Variants in BRD10 observed in about 807,000 individuals in gnomAD.
The protein encoded by BRD10 is uncharacterized bromodomain-containing protein 10.
the BRD10 span, among the ~76,000 whole-genome samples, chr9:5,960,139 T>C: frequency 1.3e-5 from 2 of 152,216 alleles, no homozygotes; most frequent in Non-Finnish European, 2.9e-5. Context: ...TATCTGTACT[T>C]AACTATTATT....
the BRD10 span, among the ~76,000 whole-genome samples, chr9:5,992,736 A>T: frequency 3.3e-5 from 5 of 151,544 alleles, no homozygotes; most frequent in South Asian, 1.0e-3. Context: ...TTTTAACACA[A>T]AGCATGTAAA....
chr9:6,007,492 G>C, the BRD10 span: 1 of 1,612,282 alleles, frequency 6.2e-7, no homozygotes, highest in Non-Finnish European at 8.5e-7. Context: ...CAGAAAGGGG[G>C]CGGTGAGGCC....
At chr9:5,936,887 T>C in the BRD10 span, among the ~76,000 whole-genome samples, 2 of 152,216 alleles carry the variant, frequency 1.3e-5, no homozygotes, top group Admixed American at 6.5e-5. Context: ...TGAAAAATGT[T>C]TGACATTTAA....
chr9:5,908,046 G>A, the BRD10 span, among the ~76,000 whole-genome samples: 1 of 152,230 alleles, frequency 6.6e-6, no homozygotes, highest in Admixed American at 6.5e-5. Flanking sequence ...CATAATGGTT[G>A]AGAGCACTGA....
chr9:5,924,694 G>C, the BRD10 span: 1 of 1,550,448 alleles, frequency 6.4e-7, no homozygotes, highest in Non-Finnish European at 8.7e-7. Context: ...ATATCCAGAG[G>C]TTCTGTTGAG....
At chr9:5,953,462 C>A in the BRD10 span, among the ~76,000 whole-genome samples, 1 of 152,016 alleles carries the variant, frequency 6.6e-6, no homozygotes, top group South Asian at 2.1e-4. Context: ...TTTCTTTCCA[C>A]AGAAATGTTT....
the BRD10 span, among the ~76,000 whole-genome samples, chr9:5,895,581 G>A: frequency 2.6e-5 from 4 of 152,292 alleles, no homozygotes; most frequent in South Asian, 2.1e-4. Context: ...TGGGTATTAT[G>A]TATCTCTTTG....
the BRD10 span, among the ~76,000 whole-genome samples, chr9:5,993,201 G>T: frequency 8.3e-4 from 125 of 151,348 alleles, 1 homozygote; most frequent in Non-Finnish European, 1.3e-3. Context: ...TGTAGTCCCA[G>T]CTACTCAGGA....
chr9:6,002,062 T>C, the BRD10 span, among the ~76,000 whole-genome samples: 6 of 152,182 alleles, frequency 3.9e-5, no homozygotes, highest in South Asian at 8.3e-4. Flanking sequence ...GTTGTGAAAA[T>C]AGTACCATGA....
At chr9:5,934,358 CTT>C in the BRD10 span, among the ~76,000 whole-genome samples, 24 of 129,978 alleles carry the variant, frequency 1.8e-4, no homozygotes, top group Admixed American at 2.4e-4. Context: ...TTACGCTTTT[CTT>C]TTTTTTTTTT....
the BRD10 span, among the ~76,000 whole-genome samples, chr9:5,944,118 C>T: frequency 6.6e-6 from 1 of 151,996 alleles, no homozygotes; most frequent in African/African-American, 2.4e-5. Flanking sequence ...AGGCGCAAAA[C>T]GAAAGGTTTA....
the BRD10 span, among the ~76,000 whole-genome samples, chr9:5,911,684 G>GC: frequency 6.6e-6 from 1 of 151,648 alleles, no homozygotes; most frequent in Non-Finnish European, 1.5e-5. Flanking sequence ...ACAGGTGTGT[G>GC]CCCCCATGCC....
chr9:5,948,811 G>C, the BRD10 span, among the ~76,000 whole-genome samples: 2 of 152,050 alleles, frequency 1.3e-5, no homozygotes, highest in African/African-American at 4.8e-5. Context: ...AATAATAAGT[G>C]AAATACTAAA....
the BRD10 span, among the ~76,000 whole-genome samples, chr9:5,936,523 T>G: frequency 1.1e-4 from 17 of 152,314 alleles, no homozygotes; most frequent in African/African-American, 3.8e-4. Context: ...CATCCACATG[T>G]GTACTTTGTG....
At chr9:5,946,782 G>A in the BRD10 span, among the ~76,000 whole-genome samples, 2 of 152,046 alleles carry the variant, frequency 1.3e-5, no homozygotes, top group African/African-American at 2.4e-5. Flanking sequence ...TTTGCATGCA[G>A]TTTGTAGAAA....
chr9:5,970,165 T>C, the BRD10 span, among the ~76,000 whole-genome samples: 1 of 152,166 alleles, frequency 6.6e-6, no homozygotes, highest in African/African-American at 2.4e-5. Flanking sequence ...CAAAAAGTTA[T>C]GTACTTACCA....
the BRD10 span, among the ~76,000 whole-genome samples, chr9:5,888,364 TC>T: frequency 6.6e-6 from 1 of 152,224 alleles, no homozygotes; most frequent in Non-Finnish European, 1.5e-5. Context: ...TTAAATACAT[TC>T]TTAAATAAAT....
chr9:5,970,782 G>GTGAGC, the BRD10 span, among the ~76,000 whole-genome samples: 5 of 152,116 alleles, frequency 3.3e-5, no homozygotes, highest in Non-Finnish European at 7.4e-5. Context: ...TGGGTACAGT[G>GTGAGC]GCTCACGCCT....
the BRD10 span, chr9:6,007,824 C>T: frequency 7.0e-7 from 1 of 1,420,758 alleles, no homozygotes. Context: ...GTGGAACAGC[C>T]GCTCGAGGTG....
Sources: gnomAD v4.1 joint callset for allele counts (sites outside exome capture counted in the v4.1 genomes callset) on GRCh38, gnomAD v4.1.1 for gene constraint, MANE v1.5 for transcripts, NCBI Gene and HGNC (gene_info 2026-07-23, HGNC 2026-07-21) for gene names.